The following FGF1 variants were observed in gnomAD, a reference collection of about 807,000 sequenced individuals.
The protein encoded by FGF1 is beta-endothelial cell growth factor.
In FGF1, 9 loss-of-function variants were observed where a neutral mutation model predicts 13.4. That is an observed-to-expected ratio of 0.67 (90% CI 0.40 to 1.17). The LOEUF (loss-of-function observed/expected upper bound fraction) is 1.17, where lower values mean the gene tolerates loss of function less well. Ranked by LOEUF, FGF1 falls within the 50% of genes most tolerant of loss-of-function variation. FGF1 has a pLI of 0.01. For missense variants in FGF1, 156 were observed against 192.7 expected, an observed-to-expected ratio of 0.81 and a Z score of 1.13; for synonymous variants, 93 against 79.0, an observed-to-expected ratio of 1.18 and a Z score of -0.94.
rs369653986 is a variant in FGF1, at chr5:142,614,152, G to A, written c.-25C>T. Reference sequence around the variant, plus strand: ...TGGCTCAGCAGCTGCTGCTTGTGGCGCTTTCAAGACTGTAAGAAATTGAAC... The same window carrying A: ...TGGCTCAGCAGCTGCTGCTTGTGGCACTTTCAAGACTGTAAGAAATTGAAC... On this transcript the variant is annotated 5_prime_UTR_variant, in exon 2 of 4. Transcript: ENST00000337706. The A allele has an allele frequency of 4.4e-5, 71 of 1,613,304 alleles. 1 individual carries two copies. Among genetic ancestry groups the A allele is most frequent in the Middle Eastern group, 1.6e-4 (1 of 6,078 alleles).
chr5:142,652,252 A>G (rs1407481883), intron 1 of FGF1, among the ~76,000 whole-genome samples: 1 of 152,228 alleles, frequency 6.6e-6, no homozygotes, highest in Non-Finnish European at 1.5e-5. Context: ...ACATGTTGCC[A>G]AATGGTGCTT....
At chr5:142,682,139 G>T (rs1322193560) in intron 1 of FGF1, among the ~76,000 whole-genome samples, 1 of 150,774 alleles carries the variant, frequency 6.6e-6, no homozygotes, top group Non-Finnish European at 1.5e-5. Flanking sequence ...AGGCTGGAGC[G>T]CAATGGCGCG....
At position 142,609,393 on chromosome 5, in the gene FGF1, TC is replaced by T. The variant is rs1360019286; in HGVS notation, c.169+4565del. Among the ~76,000 whole-genome samples, 440 of 152,288 alleles carry T rather than the reference TC, an allele frequency of 2.9e-3. 1 individual carries two copies. The highest frequency in any genetic ancestry group is 4.6e-3 in the Admixed American group (71 of 15,296). ...TGGAATGCTTGTGAGGAAATTATTC[TC>T]TAATTATTGTTGCAGTTATTAATCC... On this transcript the variant is annotated intron_variant, in intron 2 of 3. Coordinates refer to ENST00000337706, the MANE Select transcript of FGF1 (RefSeq NM_000800.5).
intron 1 of FGF1, among the ~76,000 whole-genome samples, chr5:142,665,359 C>T (rs1770105969): frequency 6.6e-6 from 1 of 152,050 alleles, no homozygotes; most frequent in Non-Finnish European, 1.5e-5. Flanking sequence ...TCCCACTCCC[C>T]TCCTCAGGAC....
chr5:142,687,425 G>A (rs908458089), upstream of FGF1, among the ~76,000 whole-genome samples: 2 of 152,126 alleles, frequency 1.3e-5, no homozygotes, highest in Admixed American at 6.5e-5. Context: ...CTCCAATCAC[G>A]GATAAGCAGC....
At chr5:142,601,035 G>A (rs999706628) in intron 2 of FGF1, 13 of 610,402 alleles carry the variant, frequency 2.1e-5, no homozygotes, top group Admixed American at 1.9e-4. Context: ...AGAGACAACG[G>A]CCGGCTCACC....
At chr5:142,660,669 TG>T (rs2151997923) in intron 1 of FGF1, among the ~76,000 whole-genome samples, 1 of 152,248 alleles carries the variant, frequency 6.6e-6, no homozygotes, top group South Asian at 2.1e-4. Flanking sequence ...CTGCCTTCCG[TG>T]TTCTCCTCAG....
chr5:142,613,588 A>C (rs1759540155), intron 2 of FGF1, among the ~76,000 whole-genome samples: 1 of 152,238 alleles, frequency 6.6e-6, no homozygotes, highest in Non-Finnish European at 1.5e-5. Flanking sequence ...ATTTACCACC[A>C]TGCCTGTCTG....
chr5:142,643,751 ACT>A (rs1765565158), intron 1 of FGF1, among the ~76,000 whole-genome samples: 2 of 151,384 alleles, frequency 1.3e-5, no homozygotes, highest in Non-Finnish European at 1.5e-5. Context: ...CTGTCAACAG[ACT>A]CTTAGTTATA....
At chr5:142,599,191 G>A (rs34007) in intron 3 of FGF1, among the ~76,000 whole-genome samples, 73,886 of 152,030 alleles carry the variant, frequency 0.49, 18,897 homozygotes, top group African/African-American at 0.65. Context: ...CTGAGACTAA[G>A]CGATTGACTG....
chr5:142,640,035 C>A (rs1764909274), intron 1 of FGF1, among the ~76,000 whole-genome samples: 1 of 151,942 alleles, frequency 6.6e-6, no homozygotes, highest in South Asian at 2.1e-4. Flanking sequence ...TTGTCAGTTG[C>A]CATACTGAAC....
chr5:142,647,292 T>C (rs2151965446), intron 1 of FGF1, among the ~76,000 whole-genome samples: 1 of 152,326 alleles, frequency 6.6e-6, no homozygotes, highest in South Asian at 2.1e-4. Context: ...AGCCCTCCTC[T>C]CTGTTCATTT....
At chr5:142,630,815 G>A (rs249921) in intron 1 of FGF1, among the ~76,000 whole-genome samples, 116,428 of 152,148 alleles carry the variant, frequency 0.77, 44,896 homozygotes, top group African/African-American at 0.83. Context: ...GGTCTCCCCA[G>A]CTAAGGTAAG....
intron 1 of FGF1, among the ~76,000 whole-genome samples, chr5:142,669,781 G>A (rs1442265031): frequency 1.3e-5 from 2 of 152,208 alleles, no homozygotes; most frequent in Non-Finnish European, 2.9e-5. Flanking sequence ...AGAGGGGAAA[G>A]ATGAGATCTG....
chr5:142,651,443 C>T (rs1238826728), intron 1 of FGF1, among the ~76,000 whole-genome samples: 2 of 152,184 alleles, frequency 1.3e-5, no homozygotes, highest in Non-Finnish European at 2.9e-5. Context: ...CAGCACTCCC[C>T]ACCAACCACA....
At chr5:142,608,152 A>G (rs1267816278) in intron 2 of FGF1, among the ~76,000 whole-genome samples, 1 of 152,210 alleles carries the variant, frequency 6.6e-6, no homozygotes, top group Non-Finnish European at 1.5e-5. Context: ...GGCAAATGTA[A>G]CGATAAGACC....
upstream of FGF1, among the ~76,000 whole-genome samples, chr5:142,689,719 G>A (rs1263038566): frequency 8.6e-6 from 1 of 115,834 alleles, no homozygotes; most frequent in African/African-American, 3.2e-5. Context: ...TTTTTTCTGA[G>A]ACAAGAGTCT....
chr5:142,622,745 G>C (rs900028760), intron 1 of FGF1, among the ~76,000 whole-genome samples: 11 of 152,232 alleles, frequency 7.2e-5, no homozygotes, highest in African/African-American at 2.7e-4. Context: ...CCGAAGAAAG[G>C]GAGGCAGTGT....
At chr5:142,599,126 C>T (rs184493686) in intron 3 of FGF1, among the ~76,000 whole-genome samples, 19 of 152,236 alleles carry the variant, frequency 1.2e-4, no homozygotes, top group African/African-American at 4.6e-4. Context: ...AGACAAAGCT[C>T]AGAGTGGGTA....
Sources: allele counts gnomAD v4.1 joint callset (sites outside exome capture counted in the v4.1 genomes callset), GRCh38; gene constraint gnomAD v4.1.1; transcripts MANE v1.5; gene names NCBI Gene and HGNC (gene_info 2026-07-23, HGNC 2026-07-21).